TRNAU1AP: variants seen among roughly 807,000 people sequenced by gnomAD.
TRNAU1AP encodes tRNA selenocysteine 1 associated protein 1.
In TRNAU1AP, 33 loss-of-function variants were observed where a neutral mutation model predicts 43.3. The ratio of observed to expected loss-of-function variants is 0.76; its 90% CI spans 0.58 to 1.02. The LOEUF (loss-of-function observed/expected upper bound fraction) is 1.02. Ranked by LOEUF, TRNAU1AP falls within the 50% of genes least tolerant of loss-of-function variation. TRNAU1AP has a pLI of 0.00. For synonymous variants in TRNAU1AP, 143 were observed against 129.1 expected (o/e 1.11, Z -0.73); for missense variants, 290 against 362.7 (o/e 0.80, Z 1.63).
At chr1:28,555,550 T>C (rs1012958122) in intron 2 of TRNAU1AP, among the ~76,000 whole-genome samples, 1 of 149,962 alleles carries the variant, frequency 6.7e-6, no homozygotes, top group Admixed American at 6.8e-5. Flanking sequence ...CAGGTTGGAG[T>C]GCAGTGGCGC....
At chr1:28,560,534 C>T (rs1665383008) in intron 2 of TRNAU1AP, 99 bp from the exon 3 acceptor site, 3 of 957,154 alleles carry the variant, frequency 3.1e-6, no homozygotes, top group Non-Finnish European at 3.2e-6. Flanking sequence ...CCTTGGCCTC[C>T]CAAACTGTTG....
At chr1:28,565,180 GTAGT>G in intron 5 of TRNAU1AP, 1 of 253,402 alleles carries the variant, frequency 3.9e-6, no homozygotes. Flanking sequence ...GCCTTTCAGT[GTAGT>G]TAGAAGTGTT....
At chr1:28,559,050 TTCTGAG>T (rs921064813) in intron 2 of TRNAU1AP, among the ~76,000 whole-genome samples, 1 of 152,008 alleles carries the variant, frequency 6.6e-6, no homozygotes, top group Non-Finnish European at 1.5e-5. Flanking sequence ...CATTTGGTTC[TTCTGAG>T]TCTCTTTTAT....
intron 5 of TRNAU1AP, among the ~76,000 whole-genome samples, chr1:28,566,074 C>T (rs1457309471): frequency 4.6e-5 from 7 of 152,008 alleles, no homozygotes; most frequent in East Asian, 1.9e-4. Flanking sequence ...CCCAGCGCTT[C>T]GGGAGACAGG....
chr1:28,577,664 TGATGTGAGGGA>T lies in TRNAU1AP; in HGVS notation c.*33_*43del. The T allele has an allele frequency of 6.2e-7, 1 of 1,602,166 alleles. No individual in the cohort carries two copies. ...AGGCCAAAGGACAAGCCAGGTTGCA[TGATGTGAGGGA>T]GATGAGAGACTCCTTTTTAAAAATT... is the stretch of plus-strand genomic sequence containing the variant. On this transcript the variant is annotated 3_prime_UTR_variant, in exon 9 of 9. Transcript: ENST00000373830.
At chr1:28,558,081 T>G (rs1018152831) in intron 2 of TRNAU1AP, among the ~76,000 whole-genome samples, 227 of 148,962 alleles carry the variant, frequency 1.5e-3, no homozygotes, top group African/African-American at 2.9e-3. Flanking sequence ...TTTTTTTTTT[T>G]TTTGTTTAGT....
In TRNAU1AP at chr1:28,561,412, C is replaced by T. The variant is rs766216522; in HGVS notation, c.278+14C>T. The T allele has an allele frequency of 7.4e-6, 12 of 1,613,748 alleles. No individual in the cohort carries two copies. Among genetic ancestry groups the T allele is most frequent in the Non-Finnish European group, 1.0e-5 (12 of 1,179,876 alleles). On this transcript the variant is annotated intron_variant, in intron 4 of 8. Transcript: ENST00000373830. ...ACCAGATAACAGGTAGGTACAAAGT[C>T]ATGTCTAGACAGACATAAGATGTGT... is the stretch of plus-strand genomic sequence containing the variant.
chr1:28,571,469 C>A, intron 7 of TRNAU1AP, 131 bp downstream of exon 7: 2 of 905,160 alleles, frequency 2.2e-6, no homozygotes, highest in Non-Finnish European at 3.4e-6. Context: ...TGAAGCAGTC[C>A]AGTTCCTCTT....
At chr1:28,563,686 A>G (rs1665467908) in intron 4 of TRNAU1AP, among the ~76,000 whole-genome samples, 1 of 150,298 alleles carries the variant, frequency 6.7e-6, no homozygotes. Context: ...TCCGTCTCAA[A>G]AAAAAAAAAA....
rs2124225604 is a variant in TRNAU1AP, at chr1:28,577,703, G to C, written c.*67G>C. On this transcript the variant is annotated 3_prime_UTR_variant, in exon 9 of 9. Coordinates refer to ENST00000373830, the MANE Select transcript of TRNAU1AP (RefSeq NM_017846.5). ...TGAGAGACTCCTTTTTAAAAATTGT[G>C]AAACCTTTTTGGAAATATGATTTGT... 1.3e-6 allele frequency: 2 copies of C among 1,502,148 alleles called. No individual in the cohort carries two copies. The highest frequency in any genetic ancestry group is 4.7e-5 in the East Asian group (2 of 42,746). 93.1% of individuals were successfully genotyped at this position (1,502,148 alleles called of 1,614,324 possible).
In TRNAU1AP at chr1:28,571,340, T is replaced by C; in HGVS notation, c.693+2T>C. 1 of 1,613,784 alleles carries C rather than the reference T, an allele frequency of 6.2e-7. No homozygotes were observed. Among genetic ancestry groups the C allele is most frequent in the Non-Finnish European group, 8.5e-7 (1 of 1,179,778 alleles). On this transcript the variant is annotated splice_donor_variant, in intron 7 of 8. Coordinates refer to ENST00000373830, the MANE Select transcript of TRNAU1AP (RefSeq NM_017846.5). LOFTEE classifies it high-confidence loss of function. ...GGCTATACCCAGAGCACCATGCAGG[T>C]AACCATGACTTGGCAAGACTGGTCC...
chr1:28,561,484 T>C, intron 4 of TRNAU1AP, 86 bp downstream of exon 4: 1 of 1,500,598 alleles, frequency 6.7e-7, no homozygotes, highest in Non-Finnish European at 9.2e-7. Flanking sequence ...CCGGTTTGGC[T>C]GCACTTGGTT....
At chr1:28,577,380 G>C (rs1431888005) in intron 8 of TRNAU1AP, 120 bp from the exon 9 acceptor site, 2 of 1,137,644 alleles carry the variant, frequency 1.8e-6, no homozygotes, top group East Asian at 2.4e-5. Flanking sequence ...TTCACTTCCT[G>C]AAAGAAACTG....
chr1:28,578,443 T>C lies in TRNAU1AP; in HGVS notation c.*807T>C, dbSNP rs961606083. 7 of 252,390 alleles carry C rather than the reference T, an allele frequency of 2.8e-5. No homozygotes were observed. Among genetic ancestry groups the C allele is most frequent in the Non-Finnish European group, 5.6e-5 (7 of 126,106 alleles). 15.6% of individuals were successfully genotyped at this position (252,390 alleles called of 1,614,324 possible). On this transcript the variant is annotated 3_prime_UTR_variant, in exon 9 of 9. Coordinates refer to ENST00000373830, the MANE Select transcript of TRNAU1AP (RefSeq NM_017846.5). ...CATAAAAAATCTCCAAAGATCTCTTTAAGGGCTGGGCATGGTGGCTCACTT... is the reference window on the plus strand; with the variant it reads ...CATAAAAAATCTCCAAAGATCTCTTCAAGGGCTGGGCATGGTGGCTCACTT...
chr1:28,553,268 G>A, intron 1 of TRNAU1AP, 131 bp downstream of exon 1: 1 of 1,102,442 alleles, frequency 9.1e-7, no homozygotes, highest in Non-Finnish European at 1.3e-6. Context: ...TCTTTTTGGT[G>A]ACACAGAAGC....
intron 5 of TRNAU1AP, among the ~76,000 whole-genome samples, chr1:28,566,283 C>G (rs1665535273): frequency 6.7e-6 from 1 of 149,070 alleles, no homozygotes; most frequent in Admixed American, 6.8e-5. Context: ...CCAGTGCATT[C>G]CAGCCTGGGA....
intron 8 of TRNAU1AP, 24 bp from the exon 9 acceptor site, chr1:28,577,476 A>G: frequency 6.2e-7 from 1 of 1,612,574 alleles, no homozygotes; most frequent in Non-Finnish European, 8.5e-7. Flanking sequence ...GACTTCCCTG[A>G]CCCCATCCTT....
intron 6 of TRNAU1AP, 102 bp downstream of exon 6, chr1:28,567,515 A>C: frequency 1.5e-6 from 2 of 1,359,846 alleles, no homozygotes; most frequent in South Asian, 3.1e-5. Context: ...TGGGAGGCTG[A>C]AGGGGATCCA....
chr1:28,565,012 A>G (rs1557434899), intron 5 of TRNAU1AP, 178 bp downstream of exon 5: 4 of 707,048 alleles, frequency 5.7e-6, no homozygotes, highest in East Asian at 2.7e-5. Context: ...GTATTGTAGA[A>G]TTGAAGCTCT....
Sources: gnomAD v4.1 joint callset for allele counts (sites outside exome capture counted in the v4.1 genomes callset) on GRCh38, gnomAD v4.1.1 for gene constraint, MANE v1.5 for transcripts, NCBI Gene and HGNC (gene_info 2026-07-23, HGNC 2026-07-21) for gene names.